The following RFX4 variants were observed in gnomAD, a reference collection of about 807,000 sequenced individuals.
RFX4 encodes the protein transcription factor RFX4.
RFX4 carries 10 observed loss-of-function variants against 95.0 expected under a neutral mutation model. That is an observed-to-expected ratio of 0.11 (90% CI 0.06 to 0.18). The LOEUF is 0.18. RFX4 is among the 10% of genes least tolerant of loss of function. RFX4 has a pLI of 1.00. For missense variants in RFX4, 640 were observed against 922.0 expected (o/e 0.69, Z 3.96); for synonymous variants, 321 against 340.7 (o/e 0.94, Z 0.64).
chr12:106,601,237 G>T lies in RFX4; in HGVS notation c.44-7560G>T, dbSNP rs568824035. The T allele has an allele frequency of 3.9e-6, 6 of 1,557,456 alleles. No homozygotes were observed. In the South Asian group the frequency reaches 5.9e-5, roughly 15 times the overall value. Reference sequence around the variant, plus strand: ...CTCCTGTGTGTCGCCACTGCCACCGGCAGGGAGCCAGGAGAGAGACAGAAA... The same window carrying T: ...CTCCTGTGTGTCGCCACTGCCACCGTCAGGGAGCCAGGAGAGAGACAGAAA... On this transcript the variant is annotated intron_variant, in intron 1 of 17. Coordinates refer to ENST00000392842, the MANE Select transcript of RFX4 (RefSeq NM_213594.3).
intron 2 of RFX4, among the ~76,000 whole-genome samples, chr12:106,620,444 G>A (rs556793551): frequency 3.8e-4 from 58 of 152,254 alleles, no homozygotes; most frequent in Non-Finnish European, 2.9e-5. Context: ...GGTTTCAAAA[G>A]GGGAGGGGAT....
At chr12:106,689,717 A>C (rs2137429518) in intron 7 of RFX4, among the ~76,000 whole-genome samples, 1 of 152,312 alleles carries the variant, frequency 6.6e-6, no homozygotes, top group South Asian at 2.1e-4. Flanking sequence ...TTTGGAAAAA[A>C]TATATAAAAA....
intron 15 of RFX4, among the ~76,000 whole-genome samples, chr12:106,744,572 A>G (rs947632679): frequency 1.3e-5 from 2 of 152,230 alleles, no homozygotes; most frequent in Non-Finnish European, 2.9e-5. Flanking sequence ...TCTCTGACAT[A>G]TATTACAACA....
chr12:106,709,512 A>T, intron 9 of RFX4, 82 bp downstream of exon 9: 9 of 1,001,986 alleles, frequency 9.0e-6, no homozygotes, highest in African/African-American at 1.6e-5. Flanking sequence ...TAATAGTAGC[A>T]GCAGCTACTG....
chr12:106,741,009 G>A (rs1423966839), intron 15 of RFX4, among the ~76,000 whole-genome samples: 1 of 152,206 alleles, frequency 6.6e-6, no homozygotes, highest in East Asian at 1.9e-4. Flanking sequence ...AGTGGCAGGA[G>A]AGGAAGTTGC....
chr12:106,600,554 A>G (rs1186141393), intron 1 of RFX4, among the ~76,000 whole-genome samples: 1 of 152,168 alleles, frequency 6.6e-6, no homozygotes, highest in Non-Finnish European at 1.5e-5. Flanking sequence ...TAGTTGCCAA[A>G]TGCAGACAGG....
intron 4 of RFX4, among the ~76,000 whole-genome samples, chr12:106,671,652 C>CTTTCT (rs1184561938): frequency 6.6e-6 from 1 of 151,896 alleles, no homozygotes; most frequent in Non-Finnish European, 1.5e-5. Flanking sequence ...TGTTTTCCTT[C>CTTTCT]TTTCTTTTCT....
At chr12:106,693,620 G>T (rs1268362606) in intron 7 of RFX4, among the ~76,000 whole-genome samples, 5 of 152,136 alleles carry the variant, frequency 3.3e-5, no homozygotes, top group Admixed American at 6.5e-5. Flanking sequence ...TGGGATCAGG[G>T]GACAGTGGAG....
At chr12:106,593,043 C>T (rs2039570193) in intron 1 of RFX4, among the ~76,000 whole-genome samples, 1 of 152,088 alleles carries the variant, frequency 6.6e-6, no homozygotes, top group Non-Finnish European at 1.5e-5. Context: ...GTGTCATATC[C>T]CACCCTCAAG....
chr12:106,596,473 C>T (rs188919034), intron 1 of RFX4, among the ~76,000 whole-genome samples: 1 of 152,314 alleles, frequency 6.6e-6, no homozygotes, highest in Non-Finnish European at 1.5e-5. Context: ...TACTAATACA[C>T]AGGAAAAGGA....
intron 7 of RFX4, among the ~76,000 whole-genome samples, chr12:106,689,674 A>T (rs2041738738): frequency 6.6e-6 from 1 of 152,188 alleles, no homozygotes; most frequent in Non-Finnish European, 1.5e-5. Flanking sequence ...AGGATTATAG[A>T]TTCAGAGAAG....
intron 8 of RFX4, among the ~76,000 whole-genome samples, chr12:106,703,754 T>C (rs1214343789): frequency 6.6e-6 from 1 of 151,924 alleles, no homozygotes; most frequent in Non-Finnish European, 1.5e-5. Context: ...TTTACAGATG[T>C]GGAGGTTAAA....
chr12:106,614,491 G>GTGTA (rs2040029698), intron 2 of RFX4, among the ~76,000 whole-genome samples: 1 of 138,132 alleles, frequency 7.2e-6, no homozygotes. Flanking sequence ...GTGTGTGTGT[G>GTGTA]TGTGTGTGTG....
chr12:106,757,737 CA>C (rs1257714570), intron 17 of RFX4, among the ~76,000 whole-genome samples: 1 of 152,176 alleles, frequency 6.6e-6, no homozygotes. Flanking sequence ...ACCCCTTGTT[CA>C]AGTAGCAGCT....
intron 15 of RFX4, among the ~76,000 whole-genome samples, chr12:106,743,194 A>G (rs1041256171): frequency 6.6e-6 from 1 of 152,188 alleles, no homozygotes; most frequent in Non-Finnish European, 1.5e-5. Context: ...AGGGGGGAAT[A>G]AGAGAAAAAT....
Position 106,720,445 on chromosome 12 carries a change from G to A in RFX4, c.1234-314G>A, listed in dbSNP as rs10861652. Among the ~76,000 whole-genome samples the A allele has an allele frequency of 0.14, 21,768 of 152,030 alleles. 1,891 individuals are homozygous for A. Among genetic ancestry groups the A allele is most frequent in the East Asian group, 0.27 (1,373 of 5,154 alleles). Reference sequence around the variant, plus strand: ...TGCCCAGGCTGGAGTGCAGTGGTGCGATCACAGCTCACTGCAGCCTTGACC... The same window carrying A: ...TGCCCAGGCTGGAGTGCAGTGGTGCAATCACAGCTCACTGCAGCCTTGACC... On this transcript the variant is annotated intron_variant, in intron 12 of 17. Coordinates refer to ENST00000392842, the MANE Select transcript of RFX4 (RefSeq NM_213594.3). The surrounding 1 kb of genome is among the most constrained non-coding windows in gnomAD (Gnocchi z 4.2).
At chr12:106,623,163 C>T (rs1371764909) in intron 2 of RFX4, among the ~76,000 whole-genome samples, 4 of 151,410 alleles carry the variant, frequency 2.6e-5, no homozygotes, top group East Asian at 2.0e-4. Flanking sequence ...CTCAGCCTCC[C>T]GAGTAGCTGG....
rs543701796 is a variant in RFX4, at chr12:106,642,789, C to T, written c.191+3397C>T. Among the ~76,000 whole-genome samples, 6 of 152,250 alleles carry T rather than the reference C, an allele frequency of 3.9e-5. No individual in the cohort carries two copies. The South Asian group carries it at 6.2e-4, about 16-fold the overall frequency. ...GACATTTCAGTGGATACATGTATGACACCATGACAGTGTGAAAACCAGGGA... is the reference window on the plus strand; with the variant it reads ...GACATTTCAGTGGATACATGTATGATACCATGACAGTGTGAAAACCAGGGA... On this transcript the variant is annotated intron_variant, in intron 3 of 17. Transcript: ENST00000392842.
At chr12:106,739,264 C>T (rs1408469618) in intron 15 of RFX4, among the ~76,000 whole-genome samples, 3 of 152,036 alleles carry the variant, frequency 2.0e-5, no homozygotes, top group East Asian at 1.9e-4. Flanking sequence ...TCCAGCATAT[C>T]GTTGATCAGA....
Sources: allele counts gnomAD v4.1 joint callset (sites outside exome capture counted in the v4.1 genomes callset), GRCh38; gene constraint gnomAD v4.1.1; non-coding constraint Gnocchi (gnomAD v3.1); transcripts MANE v1.5; gene names NCBI Gene and HGNC (gene_info 2026-07-23, HGNC 2026-07-21).